The following SWAP70 variants were observed in gnomAD, a reference collection of about 807,000 sequenced individuals.
SWAP70 encodes switching B cell complex subunit SWAP70.
A neutral mutation model predicts 80.2 loss-of-function variants in SWAP70; 34 were observed. The ratio of observed to expected loss-of-function variants is 0.42; its 90% CI spans 0.32 to 0.56. The LOEUF is 0.56. Ranked by LOEUF, SWAP70 falls within the 20% of genes least tolerant of loss-of-function variation. The pLI, the probability that SWAP70 is intolerant of heterozygous loss-of-function variation, is 0.09. For synonymous variants in SWAP70, 239 were observed against 238.5 expected (o/e 1.00, Z -0.02); for missense variants, 578 against 690.7 (o/e 0.84, Z 1.83).
chr11:9,682,486 T>G (rs1348685930), intron 1 of SWAP70, among the ~76,000 whole-genome samples: 1 of 152,178 alleles, frequency 6.6e-6, no homozygotes, highest in African/African-American at 2.4e-5. Flanking sequence ...TTTAGTGATA[T>G]AAACCAGAGC....
chr11:9,710,996 TTTTA>T (rs71034734), intron 2 of SWAP70, among the ~76,000 whole-genome samples: 4,241 of 148,996 alleles, frequency 0.028, 203 homozygotes, highest in African/African-American at 0.097. Flanking sequence ...TGTTTTTTAT[TTTTA>T]TTTATTTATT....
chr11:9,676,648 GTTTTTT>G (rs776925174), intron 1 of SWAP70, among the ~76,000 whole-genome samples: 1 of 135,386 alleles, frequency 7.4e-6, no homozygotes. Flanking sequence ...TATAGATGCA[GTTTTTT>G]TTTTTTTTTT....
At chr11:9,674,135 A>G (rs1262138272) in intron 1 of SWAP70, among the ~76,000 whole-genome samples, 1 of 152,026 alleles carries the variant, frequency 6.6e-6, no homozygotes, top group Non-Finnish European at 1.5e-5. Flanking sequence ...TCCTGACCTC[A>G]AGTGATCTGC....
intron 5 of SWAP70, 131 bp from the exon 6 acceptor site, chr11:9,729,212 T>C (rs1445851025): frequency 1.5e-6 from 1 of 659,244 alleles, no homozygotes; most frequent in East Asian, 2.8e-5. Context: ...ACAGCATTAG[T>C]AAATCAGTAA....
intron 1 of SWAP70, among the ~76,000 whole-genome samples, chr11:9,671,227 A>G (rs1382799689): frequency 1.3e-3 from 109 of 86,798 alleles, no homozygotes; most frequent in Non-Finnish European, 1.8e-3. Context: ...AAAAATATAT[A>G]AAATATATTT....
chr11:9,729,253 TAA>T, intron 5 of SWAP70, 88 bp from the exon 6 acceptor site: 1 of 806,420 alleles, frequency 1.2e-6, no homozygotes, highest in South Asian at 1.6e-5. Context: ...TCATTGACAT[TAA>T]GTTTCAGCTC....
chr11:9,683,749 C>T (rs1407384690), intron 1 of SWAP70, among the ~76,000 whole-genome samples: 1 of 152,172 alleles, frequency 6.6e-6, no homozygotes, highest in Non-Finnish European at 1.5e-5. Flanking sequence ...ATCCTACCAC[C>T]CCGCTCTGTC....
intron 1 of SWAP70, among the ~76,000 whole-genome samples, chr11:9,688,923 G>T (rs1272000439): frequency 4.0e-5 from 6 of 151,620 alleles, no homozygotes; most frequent in African/African-American, 1.4e-4. Flanking sequence ...AATTGGTCAT[G>T]CTGGTCCATT....
chr11:9,691,242 C>T (rs1425209205), intron 1 of SWAP70, among the ~76,000 whole-genome samples: 2 of 152,194 alleles, frequency 1.3e-5, no homozygotes, highest in Non-Finnish European at 2.9e-5. Context: ...TTGAAGAAGA[C>T]TTCCCTTTTA....
chr11:9,667,626 G>A (rs1418126875), intron 1 of SWAP70, among the ~76,000 whole-genome samples: 4 of 151,888 alleles, frequency 2.6e-5, no homozygotes, highest in South Asian at 2.1e-4. Flanking sequence ...GCGGTGGCGC[G>A]ATCATGGCTC....
chr11:9,739,947 C>T (rs1039061464), intron 8 of SWAP70, among the ~76,000 whole-genome samples: 15 of 152,192 alleles, frequency 9.9e-5, no homozygotes, highest in African/African-American at 3.6e-4. Flanking sequence ...ATGGAAAATA[C>T]AGCAGGGCAG....
chr11:9,744,040 G>A (rs1030768736), intron 9 of SWAP70, among the ~76,000 whole-genome samples: 1 of 148,896 alleles, frequency 6.7e-6, no homozygotes, highest in Non-Finnish European at 1.5e-5. Flanking sequence ...TCGGCTCACT[G>A]CAAGCTCTGC....
intron 1 of SWAP70, among the ~76,000 whole-genome samples, chr11:9,683,745 C>G (rs369966803): frequency 2.0e-5 from 3 of 152,308 alleles, no homozygotes; most frequent in East Asian, 3.9e-4. Flanking sequence ...AGTGATCCTA[C>G]CACCCCGCTC....
chr11:9,699,866 GTATA>G (rs113413903), intron 2 of SWAP70, among the ~76,000 whole-genome samples: 2,254 of 144,040 alleles, frequency 0.016, 35 homozygotes, highest in African/African-American at 0.033. Flanking sequence ...TGTATAGTGT[GTATA>G]TATATATATA....
chr11:9,706,490 A>G (rs974133884), intron 2 of SWAP70, among the ~76,000 whole-genome samples: 1 of 152,228 alleles, frequency 6.6e-6, no homozygotes, highest in Non-Finnish European at 1.5e-5. Flanking sequence ...TAAAATGAAC[A>G]TCTGTGAACC....
chr11:9,671,421 A>ATATATATAAATATATAAAAATATATTTAT lies in SWAP70; in HGVS notation c.99+7143_99+7144insTATATATAAATATATAAAAATATATTTAT, dbSNP rs1565109247. ...ATAAATATATAAAAATATATTTATA[A>ATATATATAAATATATAAAAATATATTTAT]ATATATATATAAATATATAAAAATA... On this transcript the variant is annotated intron_variant, in intron 1 of 11. Coordinates refer to ENST00000318950, the MANE Select transcript of SWAP70 (RefSeq NM_015055.4). Among the ~76,000 whole-genome samples, 10 of 86,356 alleles carry ATATATATAAATATATAAAAATATATTTAT rather than the reference A, an allele frequency of 1.2e-4. No homozygotes were observed. In the South Asian group the frequency reaches 2.0e-3, roughly 18 times the overall value. 56.7% of individuals were successfully genotyped at this position (86,356 alleles called of 152,430 possible). A position where few individuals can be genotyped will look rare whatever the true frequency, so the allele number is the denominator to read the frequency against.
At chr11:9,686,374 T>TA (rs10527675) in intron 1 of SWAP70, among the ~76,000 whole-genome samples, 1 of 151,884 alleles carries the variant, frequency 6.6e-6, no homozygotes, top group Non-Finnish European at 1.5e-5. Context: ...TTTATTTATT[T>TA]TTGTGAGACA....
intron 1 of SWAP70, among the ~76,000 whole-genome samples, chr11:9,672,195 C>CTATATATACATATATATATA (rs1850424547): frequency 1.3e-5 from 1 of 78,438 alleles, no homozygotes. Flanking sequence ...ATGTGTGTGT[C>CTATATATACATATATATATA]TATATATATA....
At position 9,740,193 on chromosome 11, in the gene SWAP70, A is replaced by C; in HGVS notation, c.1201A>C (p.Met401Leu). The part of the protein sequence containing the change: ...LEREKLIRQQ[M>L]EEQVAQKSSE... ...TTTATACCAACAGATCAGACAGCAG[A>C]TGGAAGAACAGGTTGCTCAAAAGTC... The change falls in exon 9 of 12, where the codon ATG (methionine) becomes CTG (leucine). Residue 401 changes from methionine to leucine, a missense_variant. Transcript: ENST00000318950. 6.2e-7 allele frequency: 1 copy of C among 1,614,078 alleles called. No homozygotes were observed. Among genetic ancestry groups the C allele is most frequent in the Non-Finnish European group, 8.5e-7 (1 of 1,179,964 alleles).
Sources: gnomAD v4.1 joint callset for allele counts (sites outside exome capture counted in the v4.1 genomes callset) on GRCh38, gnomAD v4.1.1 for gene constraint, MANE v1.5 for transcripts, NCBI Gene and HGNC (gene_info 2026-07-23, HGNC 2026-07-21) for gene names.